Variants in TMEM132D observed in about 807,000 individuals in gnomAD.
TMEM132D encodes transmembrane protein 132D, also known as mature OL transmembrane protein.
In TMEM132D, 21 loss-of-function variants were observed where a neutral mutation model predicts 62.3. The observed-to-expected ratio is 0.34, with a 90% confidence interval of 0.24 to 0.49. The LOEUF is 0.49. Ranked by LOEUF, TMEM132D falls within the 20% of genes least tolerant of loss-of-function variation. The pLI is 0.99. For missense variants in TMEM132D, 1,346 were observed against 1,402.8 expected, an observed-to-expected ratio of 0.96 and a Z score of 0.65; for synonymous variants, 621 against 575.6, an observed-to-expected ratio of 1.08 and a Z score of -1.13.
chr12:129,587,823 G>A (rs1248042177), intron 2 of TMEM132D, among the ~76,000 whole-genome samples: 2 of 152,068 alleles, frequency 1.3e-5, no homozygotes, highest in Admixed American at 1.3e-4. Context: ...CTGGCCAGGG[G>A]GTATATTATT....
rs542828293 is a variant in TMEM132D at position 129,882,490 on chromosome 12, G to T, written c.79+20771C>A. ...AAAATAAATCAGTGTAATCCACCAC[G>T]TCATCCAGCTTACTAAGACAAGTCA... On this transcript the variant is annotated intron_variant, in intron 1 of 8. Coordinates refer to ENST00000422113, the MANE Select transcript of TMEM132D (RefSeq NM_133448.3). 2.0e-5 allele frequency among the ~76,000 whole-genome samples: 3 copies of T among 152,250 alleles called. No individual in the cohort carries two copies. In the South Asian group the frequency reaches 6.2e-4, roughly 32 times the overall value.
At chr12:129,632,112 G>A (rs1879360281) in intron 2 of TMEM132D, among the ~76,000 whole-genome samples, 1 of 152,178 alleles carries the variant, frequency 6.6e-6, no homozygotes, top group South Asian at 2.1e-4. Context: ...GTATTTCGGT[G>A]CTGACTTATG....
At chr12:129,360,844 T>C (rs1220575390) in intron 3 of TMEM132D, among the ~76,000 whole-genome samples, 1 of 152,220 alleles carries the variant, frequency 6.6e-6, no homozygotes, top group Non-Finnish European at 1.5e-5. Context: ...GGCTTTTTCC[T>C]GCCTTGCCCT....
chr12:129,622,976 G>A (rs954236928), intron 2 of TMEM132D, among the ~76,000 whole-genome samples: 1 of 152,148 alleles, frequency 6.6e-6, no homozygotes, highest in Non-Finnish European at 1.5e-5. Context: ...CTCCAGATAC[G>A]AGGTAATGTA....
chr12:129,453,016 C>T (rs1021748270), intron 3 of TMEM132D, among the ~76,000 whole-genome samples: 2 of 152,208 alleles, frequency 1.3e-5, no homozygotes, highest in Admixed American at 1.3e-4. Context: ...GCGAGCCTTA[C>T]TGCCTGAGCT....
chr12:129,699,780 G>C (rs1881331440), intron 2 of TMEM132D, 30 bp downstream of exon 2: 2 of 1,608,100 alleles, frequency 1.2e-6, no homozygotes, highest in Non-Finnish European at 1.7e-6. Context: ...TCGACGGGCG[G>C]GTACAGACAG....
intron 2 of TMEM132D, among the ~76,000 whole-genome samples, chr12:129,696,309 T>C (rs1881206140): frequency 6.6e-6 from 1 of 152,228 alleles, no homozygotes; most frequent in Non-Finnish European, 1.5e-5. Context: ...TTAAAGCCAA[T>C]CACAGTGCTA....
intron 4 of TMEM132D, among the ~76,000 whole-genome samples, chr12:129,216,916 A>G (rs1410365223): frequency 6.6e-6 from 1 of 152,200 alleles, no homozygotes; most frequent in Admixed American, 6.5e-5. Flanking sequence ...ATGATTTCTT[A>G]TCGGTCTTAA....
chr12:129,641,734 C>A (rs929506640), intron 2 of TMEM132D, among the ~76,000 whole-genome samples: 1 of 152,146 alleles, frequency 6.6e-6, no homozygotes, highest in Non-Finnish European at 1.5e-5. Context: ...CTTGTCCCTG[C>A]TTCTAGAGCA....
chr12:129,212,107 C>G (rs1487733934), intron 4 of TMEM132D: 2 of 152,194 alleles, frequency 1.3e-5, no homozygotes, highest in Non-Finnish European at 2.9e-5. Flanking sequence ...TCAGGGAAAA[C>G]AGTTTCTCAC....
intron 4 of TMEM132D, among the ~76,000 whole-genome samples, chr12:129,250,085 C>G (rs1418113230): frequency 6.6e-6 from 1 of 152,072 alleles, no homozygotes; most frequent in Non-Finnish European, 1.5e-5. Flanking sequence ...GTGCCAGATG[C>G]CCCAAATGGA....
At chr12:129,602,036 G>A (rs1593084004) in intron 2 of TMEM132D, among the ~76,000 whole-genome samples, 1 of 152,098 alleles carries the variant, frequency 6.6e-6, no homozygotes, top group Non-Finnish European at 1.5e-5. Context: ...CTTGTTTTGA[G>A]TGGTATAATA....
At chr12:129,613,798 AGGACTGTCTGCAGAACCCAGG>A (rs1445506226) in intron 2 of TMEM132D, among the ~76,000 whole-genome samples, 13 of 133,834 alleles carry the variant, frequency 9.7e-5, no homozygotes, top group East Asian at 2.4e-4. Context: ...CAGAACCCAG[AGGACTGTCTGCAGAACCCAGG>A]GGACTGTCTG....
At chr12:129,235,089 G>A (rs1010328206) in intron 4 of TMEM132D, among the ~76,000 whole-genome samples, 2 of 152,150 alleles carry the variant, frequency 1.3e-5, no homozygotes, top group African/African-American at 4.8e-5. Context: ...TTTGAGGGCG[G>A]ACTACTATAT....
chr12:129,171,854 G>T (rs903939693), intron 5 of TMEM132D, among the ~76,000 whole-genome samples: 2 of 152,222 alleles, frequency 1.3e-5, no homozygotes, highest in Non-Finnish European at 2.9e-5. Flanking sequence ...CACAGGCAGA[G>T]TAGATTTAGC....
intron 1 of TMEM132D, among the ~76,000 whole-genome samples, chr12:129,829,996 A>C (rs1872779549): frequency 6.6e-6 from 1 of 152,154 alleles, no homozygotes; most frequent in Non-Finnish European, 1.5e-5. Context: ...AAGAATCTAG[A>C]GTGTGATCTC....
chr12:129,679,995 T>C (rs1365873262), intron 2 of TMEM132D, among the ~76,000 whole-genome samples: 2 of 152,204 alleles, frequency 1.3e-5, no homozygotes, highest in African/African-American at 4.8e-5. Flanking sequence ...GTGTATAAAT[T>C]GCACTTGTCC....
chr12:129,761,439 G>GGA (rs1183036801), intron 1 of TMEM132D, among the ~76,000 whole-genome samples: 2 of 152,156 alleles, frequency 1.3e-5, no homozygotes, highest in Non-Finnish European at 2.9e-5. Flanking sequence ...GTGATACTCG[G>GGA]GAGTCAGGAA....
intron 1 of TMEM132D, among the ~76,000 whole-genome samples, chr12:129,879,794 TAAG>T (rs138597961): frequency 0.011 from 1,684 of 152,082 alleles, 17 homozygotes; most frequent in Non-Finnish European, 0.018. Flanking sequence ...AGTAGGTCAA[TAAG>T]AAATTATTAA....
Sources: allele counts gnomAD v4.1 joint callset (sites outside exome capture counted in the v4.1 genomes callset), GRCh38; gene constraint gnomAD v4.1.1; transcripts MANE v1.5; gene names NCBI Gene and HGNC (gene_info 2026-07-23, HGNC 2026-07-21).